The following VAV3 variants were observed in gnomAD, a reference collection of about 807,000 sequenced individuals.
VAV3 encodes the protein guanine nucleotide exchange factor VAV3.
Under a neutral mutation model 131.2 loss-of-function variants are expected in VAV3, and 94 were observed. The ratio of observed to expected loss-of-function variants is 0.72; its 90% CI spans 0.61 to 0.85. VAV3 has a LOEUF of 0.85. Ranked by LOEUF, VAV3 falls within the 40% of genes least tolerant of loss-of-function variation. VAV3 has a pLI of 0.00. For missense variants in VAV3, 939 were observed against 1,002.7 expected, an observed-to-expected ratio of 0.94 and a Z score of 0.86; for synonymous variants, 349 against 342.0, an observed-to-expected ratio of 1.02 and a Z score of -0.22.
chr1:107,797,126 C>T (rs925508174), intron 2 of VAV3, among the ~76,000 whole-genome samples: 3 of 152,066 alleles, frequency 2.0e-5, no homozygotes, highest in South Asian at 4.1e-4. Flanking sequence ...AGGAATTCTA[C>T]GTGAACCTGT....
intron 1 of VAV3, among the ~76,000 whole-genome samples, chr1:107,956,972 T>C (rs1283533088): frequency 6.6e-6 from 1 of 151,984 alleles, no homozygotes; most frequent in Non-Finnish European, 1.5e-5. Flanking sequence ...AGTTAAGAGG[T>C]GGTAGAAGCA....
intron 19 of VAV3, among the ~76,000 whole-genome samples, chr1:107,681,892 C>A (rs1658653385): frequency 1.3e-5 from 2 of 152,094 alleles, no homozygotes; most frequent in African/African-American, 2.4e-5. Context: ...CATCTCCTGA[C>A]CTCGTGATCC....
At chr1:107,579,759 T>G (rs1199585853) in intron 25 of VAV3, among the ~76,000 whole-genome samples, 1 of 152,200 alleles carries the variant, frequency 6.6e-6, no homozygotes, top group African/African-American at 2.4e-5. Context: ...CTGAATTCCA[T>G]GACAATTCAT....
intron 15 of VAV3, among the ~76,000 whole-genome samples, chr1:107,730,552 A>T (rs1222649933): frequency 6.6e-6 from 1 of 152,218 alleles, no homozygotes; most frequent in African/African-American, 2.4e-5. Context: ...GTGATCAAAA[A>T]ATCTTGAAAT....
intron 9 of VAV3, among the ~76,000 whole-genome samples, chr1:107,763,041 A>G (rs1263157696): frequency 6.6e-6 from 1 of 152,186 alleles, no homozygotes; most frequent in African/African-American, 2.4e-5. Context: ...AACAAAAATA[A>G]CCACAAAACA....
intron 15 of VAV3, among the ~76,000 whole-genome samples, chr1:107,706,532 T>C (rs1281036107): frequency 6.6e-6 from 1 of 152,210 alleles, no homozygotes; most frequent in African/African-American, 2.4e-5. Context: ...TATGGACATT[T>C]CCATGGAGGC....
chr1:107,860,354 T>TTAATAGAAATGATAAACCCCAA (rs1557886960), intron 2 of VAV3, among the ~76,000 whole-genome samples: 1 of 151,866 alleles, frequency 6.6e-6, no homozygotes, highest in Non-Finnish European at 1.5e-5. Flanking sequence ...GCGGTGATTG[T>TTAATAGAAATGATAAACCCCAA]AGTAGTTTTC....
intron 17 of VAV3, among the ~76,000 whole-genome samples, chr1:107,689,070 G>A (rs569377256): frequency 1.3e-5 from 2 of 152,238 alleles, no homozygotes; most frequent in African/African-American, 4.8e-5. Context: ...TAAGGGCCCT[G>A]AGATCTTCAA....
intron 1 of VAV3, among the ~76,000 whole-genome samples, chr1:107,930,473 A>C (rs1328619882): frequency 6.6e-6 from 1 of 152,162 alleles, no homozygotes. Context: ...CATTACTAGA[A>C]ATGACATACT....
intron 24 of VAV3, among the ~76,000 whole-genome samples, chr1:107,599,352 C>A (rs1651656254): frequency 6.6e-6 from 1 of 152,114 alleles, no homozygotes. Context: ...CAGTCATTGA[C>A]CTTCAGGTAC....
chr1:107,587,080 G>A (rs528132888), intron 25 of VAV3, among the ~76,000 whole-genome samples: 6 of 152,214 alleles, frequency 3.9e-5, no homozygotes, highest in East Asian at 1.9e-4. Context: ...TACAAGAAGA[G>A]TTTCTCTGGC....
intron 2 of VAV3, among the ~76,000 whole-genome samples, chr1:107,870,118 G>A (rs964128225): frequency 1.2e-4 from 18 of 152,048 alleles, no homozygotes; most frequent in Non-Finnish European, 2.4e-4. Context: ...TATCTTTTTC[G>A]TATAATAACT....
intron 15 of VAV3, among the ~76,000 whole-genome samples, chr1:107,723,377 C>T (rs1301350030): frequency 3.3e-5 from 5 of 151,928 alleles, no homozygotes; most frequent in African/African-American, 1.2e-4. Context: ...GTTGTCTTCC[C>T]ACACAAATAG....
intron 1 of VAV3, among the ~76,000 whole-genome samples, chr1:107,914,744 CT>C (rs558507238): frequency 6.6e-4 from 100 of 152,218 alleles, no homozygotes; most frequent in Middle Eastern, 3.4e-3. Flanking sequence ...CATTTTAGTG[CT>C]TACTTAGTAG....
intron 20 of VAV3, among the ~76,000 whole-genome samples, chr1:107,642,080 C>T (rs995999973): frequency 6.6e-6 from 1 of 152,062 alleles, no homozygotes; most frequent in Non-Finnish European, 1.5e-5. Flanking sequence ...GTGTCAGAGG[C>T]GTGTGAACCA....
intron 2 of VAV3, among the ~76,000 whole-genome samples, chr1:107,803,995 C>T (rs1239084967): frequency 6.6e-6 from 1 of 151,974 alleles, no homozygotes; most frequent in Non-Finnish European, 1.5e-5. Flanking sequence ...AATATAGTCA[C>T]CTTCTCTATT....
intron 25 of VAV3, among the ~76,000 whole-genome samples, chr1:107,595,229 G>A (rs1397328172): frequency 6.6e-6 from 1 of 152,056 alleles, no homozygotes; most frequent in African/African-American, 2.4e-5. Flanking sequence ...CATATATTAA[G>A]TTACTTAAAT....
chr1:107,812,120 A>G (rs1395042397), intron 2 of VAV3, among the ~76,000 whole-genome samples: 3 of 152,226 alleles, frequency 2.0e-5, no homozygotes, highest in Non-Finnish European at 4.4e-5. Flanking sequence ...TATCATTAAC[A>G]AAAGTTTAAA....
chr1:107,927,628 T>C (rs1673225475), intron 1 of VAV3, among the ~76,000 whole-genome samples: 1 of 151,942 alleles, frequency 6.6e-6, no homozygotes, highest in Non-Finnish European at 1.5e-5. Context: ...TAAGAAAACA[T>C]TGGTGGTAGT....
Sources: gnomAD v4.1 joint callset for allele counts (sites outside exome capture counted in the v4.1 genomes callset) on GRCh38, gnomAD v4.1.1 for gene constraint, MANE v1.5 for transcripts, NCBI Gene and HGNC (gene_info 2026-07-23, HGNC 2026-07-21) for gene names.